Variants in DNAI2 observed in about 807,000 individuals in gnomAD.
The protein encoded by DNAI2 is dynein axonemal intermediate chain 2.
DNAI2 carries 63 observed loss-of-function variants against 74.7 expected under a neutral mutation model. The ratio of observed to expected loss-of-function variants is 0.84; its 90% CI spans 0.69 to 1.04. DNAI2 has a LOEUF of 1.04. Among genes scored for constraint, DNAI2 ranks in the 50% least tolerant of loss-of-function variants. The pLI is 0.00. For synonymous variants in DNAI2, 289 were observed against 314.9 expected (o/e 0.92, Z 0.87); for missense variants, 688 against 803.2 (o/e 0.86, Z 1.73).
chr17:74,289,569 C>T, intron 4 of DNAI2, 25 bp from the exon 5 acceptor site: 1 of 1,612,900 alleles, frequency 6.2e-7, no homozygotes, highest in Non-Finnish European at 8.5e-7. Flanking sequence ...ATCCAGCCTT[C>T]TGCTCTCTTC....
Position 74,281,969 on chromosome 17 carries a change from T to TC in DNAI2, c.154dup (p.Gln52ProfsTer17), listed in dbSNP as rs1287047257. On this transcript the variant is annotated frameshift_variant, in exon 2 of 14. Coordinates refer to ENST00000311014, the MANE Select transcript of DNAI2 (RefSeq NM_023036.6). LOFTEE classifies it high-confidence loss of function. Reference sequence around the variant, plus strand: ...GAGCGGAACCCAGTGGACACGGGCATCCAGTGCTCGATCAGCATGTCGGAA... The same window carrying TC: ...GAGCGGAACCCAGTGGACACGGGCATCCCAGTGCTCGATCAGCATGTCGGAA... 6.2e-7 allele frequency: 1 copy of TC among 1,613,938 alleles called. No individual in the cohort carries two copies. The highest frequency in any genetic ancestry group is 1.3e-5 in the African/African-American group (1 of 74,898).
At chr17:74,312,369 C>A (rs2053583569) in intron 12 of DNAI2, 139 bp downstream of exon 12, 1 of 686,060 alleles carries the variant, frequency 1.5e-6, no homozygotes, top group Non-Finnish European at 2.5e-6. Context: ...ATTCACCTGG[C>A]AAGTGGGAAG....
chr17:74,283,994 C>T (rs1598275043), intron 2 of DNAI2, among the ~76,000 whole-genome samples: 4 of 152,170 alleles, frequency 2.6e-5, no homozygotes, highest in East Asian at 1.9e-4. Context: ...AAAAATTAGC[C>T]GGCCATGATG....
At chr17:74,305,051 G>A (rs781137439) in intron 8 of DNAI2, among the ~76,000 whole-genome samples, 168 bp from the exon 9 acceptor site, 109 of 152,166 alleles carry the variant, frequency 7.2e-4, no homozygotes, top group Non-Finnish European at 1.3e-3. Flanking sequence ...TGAGGAGCCC[G>A]GGAAGAGTGG....
Position 74,281,506 on chromosome 17 carries a change from G to T in DNAI2, c.-11-301G>T, listed in dbSNP as rs147744433. 1.5e-3 allele frequency: 834 copies of T among 563,238 alleles called. 9 individuals carry two copies. In the East Asian group the frequency reaches 0.022, roughly 15 times the overall value. 34.9% of individuals were successfully genotyped at this position (563,238 alleles called of 1,614,324 possible). A position where few individuals can be genotyped will look rare whatever the true frequency, so the allele number is the denominator to read the frequency against. On this transcript the variant is annotated intron_variant, in intron 1 of 13. Coordinates refer to ENST00000311014, the MANE Select transcript of DNAI2 (RefSeq NM_023036.6). ...CTCCTGACCTCAGGTGATCCACCTG[G>T]CTTGGCCTCCCAATGTGCTGGGATT...
At chr17:74,299,694 C>G in intron 6 of DNAI2, 24 bp from the exon 7 acceptor site, 2 of 1,613,152 alleles carry the variant, frequency 1.2e-6, no homozygotes, top group Non-Finnish European at 1.7e-6. Context: ...CCTTCCACTC[C>G]TTCTTCATCT....
intron 2 of DNAI2, among the ~76,000 whole-genome samples, chr17:74,283,077 A>T (rs2051487488): frequency 6.6e-6 from 1 of 151,856 alleles, no homozygotes; most frequent in Non-Finnish European, 1.5e-5. Context: ...GTTTTGTTTT[A>T]ACCTTTCCTA....
intron 2 of DNAI2, among the ~76,000 whole-genome samples, chr17:74,283,762 A>T (rs577643981): frequency 1.3e-3 from 190 of 151,992 alleles, no homozygotes; most frequent in Middle Eastern, 3.4e-3. Context: ...AAAAACAAAA[A>T]TTAGCCACGT....
intron 9 of DNAI2, among the ~76,000 whole-genome samples, chr17:74,306,680 A>T (rs11654252): frequency 1.3e-5 from 2 of 151,876 alleles, no homozygotes; most frequent in East Asian, 1.9e-4. Context: ...TGCAATGGCG[A>T]GATCTCGGCT....
rs201521142 is a variant in DNAI2, at chr17:74,285,140, G to A, written c.284G>A (p.Arg95His). ...CCCCTGGAGCTGGAGCAGACCATCC[G>A]TTTCCGGAAGAAAGTGGAGAAAGAT... Reference protein sequence around the residue: ...VNPLELEQTIRFRKKVEKDEN... With the variant: ...VNPLELEQTIHFRKKVEKDEN... Residue 95 changes from arginine (R) to histidine (H), a missense_variant, in exon 3 of 14, where the codon CGT becomes CAT. Coordinates refer to ENST00000311014, the MANE Select transcript of DNAI2 (RefSeq NM_023036.6). The A allele has an allele frequency of 1.2e-4, 193 of 1,614,096 alleles. No homozygotes were observed. The highest frequency in any genetic ancestry group is 1.5e-4 in the Non-Finnish European group (180 of 1,180,034).
intron 11 of DNAI2, among the ~76,000 whole-genome samples, chr17:74,310,646 C>A (rs1209977773): frequency 6.6e-6 from 1 of 151,512 alleles, no homozygotes; most frequent in African/African-American, 2.4e-5. Flanking sequence ...TCAAGTGATT[C>A]TCCTGCCTCA....
intron 10 of DNAI2, chr17:74,309,799 T>A: frequency 1.5e-6 from 1 of 672,346 alleles, no homozygotes; most frequent in Non-Finnish European, 2.6e-6. Context: ...ACAGGGTGAC[T>A]GTGAGGCGGA....
chr17:74,308,871 C>T (rs1437186728), intron 9 of DNAI2, among the ~76,000 whole-genome samples: 3 of 151,950 alleles, frequency 2.0e-5, no homozygotes, highest in African/African-American at 7.3e-5. Flanking sequence ...TGAGAGCAGC[C>T]TGGCCAACAT....
chr17:74,296,120 CA>C (rs1457631678), intron 6 of DNAI2, among the ~76,000 whole-genome samples: 1 of 152,162 alleles, frequency 6.6e-6, no homozygotes, highest in African/African-American at 2.4e-5. Flanking sequence ...CAGATCTTTT[CA>C]AAGCCCTGTG....
intron 5 of DNAI2, among the ~76,000 whole-genome samples, chr17:74,289,953 C>T (rs1010528141): frequency 2.0e-5 from 3 of 152,126 alleles, no homozygotes; most frequent in Admixed American, 1.3e-4. Flanking sequence ...AGGAAACCCC[C>T]ACCAATTCCA....
intron 3 of DNAI2, 34 bp downstream of exon 3, chr17:74,285,235 C>G (rs1567844824): frequency 1.9e-6 from 3 of 1,608,360 alleles, no homozygotes; most frequent in Non-Finnish European, 2.5e-6. Flanking sequence ...TGCAAGAGCC[C>G]CATCCATCAC....
Position 74,309,909 on chromosome 17 carries a change from A to T in DNAI2, c.1348-108A>T, listed in dbSNP as rs991275793. ...TCCTGTGGGCAGAGGCGTCCTGAGG[A>T]TGTTTGAATAGGGCCAAGTGGCTGA... On this transcript the variant is annotated intron_variant, in intron 10 of 13. Transcript: ENST00000311014. 33 of 1,443,134 alleles carry T rather than the reference A, an allele frequency of 2.3e-5. 1 individual carries two copies. In the Admixed American group the frequency reaches 5.4e-4, roughly 24 times the overall value. 89.4% of individuals were successfully genotyped at this position (1,443,134 alleles called of 1,614,324 possible). A position where few individuals can be genotyped will look rare whatever the true frequency, so the allele number is the denominator to read the frequency against.
At chr17:74,287,129 A>G (rs369657136) in intron 4 of DNAI2, 31 bp downstream of exon 4, 14 of 1,611,230 alleles carry the variant, frequency 8.7e-6, no homozygotes, top group Non-Finnish European at 1.1e-5. Context: ...GTGTCTGGCC[A>G]CCCTCCGTCA....
intron 1 of DNAI2, among the ~76,000 whole-genome samples, chr17:74,275,610 C>G (rs990256032): frequency 2.0e-5 from 3 of 152,050 alleles, no homozygotes. Flanking sequence ...GCCTGTAGTC[C>G]CAGCTACTCG....
Sources: allele counts gnomAD v4.1 joint callset (sites outside exome capture counted in the v4.1 genomes callset), GRCh38; gene constraint gnomAD v4.1.1; transcripts MANE v1.5; gene names NCBI Gene and HGNC (gene_info 2026-07-23, HGNC 2026-07-21).